Variants in USO1 observed in about 807,000 individuals in gnomAD.
USO1 encodes USO1 vesicle transport factor.
USO1 carries 57 observed loss-of-function variants against 124.5 expected under a neutral mutation model. That is an observed-to-expected ratio of 0.46 (90% CI 0.37 to 0.57). The LOEUF (loss-of-function observed/expected upper bound fraction) is 0.57. Ranked by LOEUF, USO1 falls within the 20% of genes least tolerant of loss-of-function variation. USO1 has a pLI of 0.00. For missense variants in USO1, 900 were observed against 1,040.6 expected (o/e 0.86, Z 1.86); for synonymous variants, 369 against 362.8 (o/e 1.02, Z -0.19).
chr4:75,776,946 G>A (rs1409526448), intron 8 of USO1, among the ~76,000 whole-genome samples: 1 of 152,072 alleles, frequency 6.6e-6, no homozygotes, highest in East Asian at 1.9e-4. Flanking sequence ...TTGGAATAGG[G>A]CCAGAACTAC....
chr4:75,801,337 T>G, intron 17 of USO1, 137 bp downstream of exon 17: 1 of 1,053,270 alleles, frequency 9.5e-7, no homozygotes, highest in Non-Finnish European at 1.3e-6. Context: ...CATCTGAGTA[T>G]TCAACAAACA....
intron 17 of USO1, among the ~76,000 whole-genome samples, chr4:75,803,633 G>A (rs1199909429): frequency 6.8e-6 from 1 of 146,116 alleles, no homozygotes; most frequent in East Asian, 2.0e-4. Flanking sequence ...TGGGCGATAA[G>A]AGCGAAACTC....
Position 75,774,761 on chromosome 4 carries a change from T to C in USO1, c.641T>C (p.Leu214Pro). 2.5e-6 allele frequency: 4 copies of C among 1,613,744 alleles called. No homozygotes were observed. Among genetic ancestry groups the C allele is most frequent in the Non-Finnish European group, 3.4e-6 (4 of 1,179,740 alleles). The change falls in exon 8 of 24, where the codon CTG (leucine) becomes CCG (proline). Residue 214 changes from leucine (L) to proline (P), a missense_variant. By Grantham distance (98) the Leu-to-Pro change is moderately conservative. Transcript: ENST00000514213. ...TTTGAAAATGCTTTCGAGAGACTACTGGACATTATTTCAGAGGAGGGGAAC... is the reference window on the plus strand; with the variant it reads ...TTTGAAAATGCTTTCGAGAGACTACCGGACATTATTTCAGAGGAGGGGAAC... ...VAFENAFERL[L>P]DIISEEGNSD...
intron 1 of USO1, among the ~76,000 whole-genome samples, chr4:75,726,895 C>T (rs990863487): frequency 6.6e-6 from 1 of 152,178 alleles, no homozygotes; most frequent in Admixed American, 6.5e-5. Flanking sequence ...GATTTGAATC[C>T]TGGCTTTCCA....
At chr4:75,777,648 A>T (rs1722108163) in intron 8 of USO1, among the ~76,000 whole-genome samples, 1 of 152,196 alleles carries the variant, frequency 6.6e-6, no homozygotes, top group South Asian at 2.1e-4. Context: ...ATATCACTAC[A>T]TACCTTTTAG....
chr4:75,739,538 CTTT>C (rs753369609), intron 1 of USO1, among the ~76,000 whole-genome samples: 1 of 105,416 alleles, frequency 9.5e-6, no homozygotes, highest in Non-Finnish European at 1.8e-5. Flanking sequence ...TTATCTTTTT[CTTT>C]TTTTTTTTTT....
At chr4:75,787,298 A>G in intron 10 of USO1, 96 bp downstream of exon 10, 1 of 1,341,752 alleles carries the variant, frequency 7.5e-7, no homozygotes, top group Non-Finnish European at 9.6e-7. Context: ...TACAATAGTT[A>G]ACCATTTTTT....
At chr4:75,787,758 C>T (rs1172743386) in intron 10 of USO1, among the ~76,000 whole-genome samples, 3 of 152,182 alleles carry the variant, frequency 2.0e-5, no homozygotes, top group African/African-American at 4.8e-5. Context: ...TCCCACTTTA[C>T]TTCCTCATGT....
rs925564814 is a variant in USO1 at position 75,797,799 on chromosome 4, G to A, written c.1453-1823G>A. Reference sequence around the variant, plus strand: ...TGGGACTACAGGCGCGCGCCACCTCGCCTGGCTAATTTTTGTATTTTTAGT... The same window carrying A: ...TGGGACTACAGGCGCGCGCCACCTCACCTGGCTAATTTTTGTATTTTTAGT... On this transcript the variant is annotated intron_variant, in intron 13 of 23. Transcript: ENST00000514213. Among the ~76,000 whole-genome samples the A allele has an allele frequency of 7.2e-5, 11 of 151,844 alleles. No homozygotes were observed. In the East Asian group the frequency reaches 1.6e-3, roughly 21 times the overall value.
intron 10 of USO1, among the ~76,000 whole-genome samples, chr4:75,789,282 C>CTGTTGT (rs10692496): frequency 2.6e-5 from 4 of 151,442 alleles, no homozygotes; most frequent in Admixed American, 1.3e-4. Context: ...TTTTGTGTTG[C>CTGTTGT]TGTTGTTGTT....
intron 7 of USO1, among the ~76,000 whole-genome samples, chr4:75,772,517 G>A (rs184861641): frequency 2.0e-5 from 3 of 152,086 alleles, no homozygotes; most frequent in South Asian, 2.1e-4. Flanking sequence ...GATTACAGGC[G>A]TGAGCCACCG....
intron 19 of USO1, 107 bp from the exon 20 acceptor site, chr4:75,806,379 T>G: frequency 7.3e-7 from 1 of 1,374,006 alleles, no homozygotes; most frequent in Non-Finnish European, 9.8e-7. Flanking sequence ...TGGTGTGAAT[T>G]TTTTGGTAAG....
intron 1 of USO1, among the ~76,000 whole-genome samples, chr4:75,736,666 A>T (rs1720802005): frequency 6.6e-6 from 1 of 152,188 alleles, no homozygotes; most frequent in East Asian, 1.9e-4. Flanking sequence ...GAGGTACTTT[A>T]AAATACCAGA....
chr4:75,752,785 C>T (rs1721328071), intron 3 of USO1, among the ~76,000 whole-genome samples, 181 bp downstream of exon 3: 1 of 152,100 alleles, frequency 6.6e-6, no homozygotes, highest in Non-Finnish European at 1.5e-5. Context: ...CTCGGCCTCC[C>T]AAAGTGCTGG....
chr4:75,793,804 C>A lies in USO1; in HGVS notation c.1355C>A (p.Ala452Asp), dbSNP rs770308595. 1.2e-6 allele frequency: 2 copies of A among 1,613,954 alleles called. No individual in the cohort carries two copies. Among genetic ancestry groups the A allele is most frequent in the Non-Finnish European group, 1.7e-6 (2 of 1,179,866 alleles). Residue 452 changes from alanine to aspartate, a missense_variant, in exon 13 of 24, where the codon GCC becomes GAC. Transcript: ENST00000514213. Reference protein sequence around the residue: ...VALAHALQENATQKEQLLRVQ... With the variant: ...VALAHALQENDTQKEQLLRVQ... ...CTTGCCCATGCGTTGCAAGAAAATG[C>A]CACCCAGAAAGAACAGTTGCTCAGG... is the stretch of plus-strand genomic sequence containing the variant.
At chr4:75,806,401 T>C (rs1722996877) in intron 19 of USO1, 85 bp from the exon 20 acceptor site, 4 of 1,480,000 alleles carry the variant, frequency 2.7e-6, no homozygotes, top group Non-Finnish European at 3.6e-6. Flanking sequence ...ACATATGATA[T>C]AGTTTATATG....
chr4:75,776,156 A>G (rs1722068191), intron 8 of USO1, among the ~76,000 whole-genome samples: 1 of 152,210 alleles, frequency 6.6e-6, no homozygotes, highest in East Asian at 1.9e-4. Context: ...CCAAGCCTCA[A>G]GGGAACAGGA....
chr4:75,785,704 A>G lies in USO1; in HGVS notation c.856-1358A>G, dbSNP rs187085678. On this transcript the variant is annotated intron_variant, in intron 9 of 23. Coordinates refer to ENST00000514213, the MANE Select transcript of USO1 (RefSeq NM_003715.4). ...TCATCAGTAAAGACACTCAACTGCTATTAGAGGATAGTAGAAAATTACTGT... is the reference window on the plus strand; with the variant it reads ...TCATCAGTAAAGACACTCAACTGCTGTTAGAGGATAGTAGAAAATTACTGT... Among the ~76,000 whole-genome samples, 59 of 152,242 alleles carry G rather than the reference A, an allele frequency of 3.9e-4. 1 individual carries two copies. The South Asian group carries it at 6.8e-3, about 18-fold the overall frequency.
intron 13 of USO1, among the ~76,000 whole-genome samples, chr4:75,796,190 A>AT (rs963639171): frequency 3.3e-5 from 5 of 151,754 alleles, no homozygotes; most frequent in Non-Finnish European, 7.4e-5. Flanking sequence ...TTGAAAGGGA[A>AT]TTTTTTTTGA....
Sources: allele counts gnomAD v4.1 joint callset (sites outside exome capture counted in the v4.1 genomes callset), GRCh38; gene constraint gnomAD v4.1.1; transcripts MANE v1.5; gene names NCBI Gene and HGNC (gene_info 2026-07-23, HGNC 2026-07-21).